The following MEP1A variants were observed in gnomAD, a reference collection of about 807,000 sequenced individuals.
MEP1A encodes the protein meprin A subunit alpha.
MEP1A carries 68 observed loss-of-function variants against 84.5 expected under a neutral mutation model. The ratio of observed to expected loss-of-function variants is 0.80; its 90% CI spans 0.66 to 0.98. MEP1A has a LOEUF of 0.98. Ranked by LOEUF, MEP1A falls within the 50% of genes least tolerant of loss-of-function variation. The pLI is 0.00. For synonymous variants in MEP1A, 337 were observed against 336.8 expected (o/e 1.00, Z -0.01); for missense variants, 887 against 919.9 (o/e 0.96, Z 0.46).
chr6:46,820,917 G>A (rs1230775511), intron 7 of MEP1A, among the ~76,000 whole-genome samples: 4 of 152,074 alleles, frequency 2.6e-5, no homozygotes, highest in East Asian at 3.9e-4. Context: ...AACTGTTTCC[G>A]GCATGGCTTT....
chr6:46,795,171 A>G (rs544114738), intron 3 of MEP1A, among the ~76,000 whole-genome samples: 32 of 152,086 alleles, frequency 2.1e-4, no homozygotes, highest in Non-Finnish European at 4.0e-4. Context: ...AGTAAATGTG[A>G]CTCACTCCTT....
chr6:46,798,503 A>G, intron 3 of MEP1A, 103 bp from the exon 4 acceptor site: 1 of 990,312 alleles, frequency 1.0e-6, no homozygotes, highest in South Asian at 1.3e-5. Context: ...ATAAAGATTA[A>G]TATTCAAAGA....
chr6:46,820,355 C>A (rs541631721), intron 7 of MEP1A, among the ~76,000 whole-genome samples: 3 of 152,034 alleles, frequency 2.0e-5, no homozygotes, highest in Non-Finnish European at 4.4e-5. Flanking sequence ...CGTATTATTC[C>A]GTTGTATTAT....
intron 9 of MEP1A, 50 bp from the exon 10 acceptor site, chr6:46,829,306 C>A (rs1768020193): frequency 6.6e-6 from 10 of 1,516,124 alleles, no homozygotes; most frequent in Non-Finnish European, 9.1e-6. Flanking sequence ...TGGACAGAAC[C>A]CTGGGGTGTG....
intron 4 of MEP1A, among the ~76,000 whole-genome samples, 172 bp downstream of exon 4, chr6:46,798,818 G>C (rs1417683641): frequency 1.3e-5 from 2 of 152,314 alleles, no homozygotes; most frequent in Non-Finnish European, 2.9e-5. Flanking sequence ...GACAAAAACA[G>C]AGGGAAAATA....
rs780445197 is a variant in MEP1A, at chr6:46,809,455, G to T, written c.298G>T (p.Glu100Ter). The change falls in exon 6 of 14, where the codon GAG (glutamate) becomes TAG (stop). Residue 100 changes from glutamate (E) to a stop codon, truncating the protein, a stop_gained. Coordinates refer to ENST00000230588, the MANE Select transcript of MEP1A (RefSeq NM_005588.3). LOFTEE classifies it high-confidence loss of function. ...NAKGAILYAF[E>*]MFRLKSCVDF... ...TAAAGGAGCCATTCTGTATGCCTTTGAGATGTTCCGTCTCAAGTCCTGTGT... is the reference window on the plus strand; with the variant it reads ...TAAAGGAGCCATTCTGTATGCCTTTTAGATGTTCCGTCTCAAGTCCTGTGT... 2.2e-5 allele frequency: 35 copies of T among 1,609,824 alleles called. No homozygotes were observed. Among genetic ancestry groups the T allele is most frequent in the Non-Finnish European group, 3.0e-5 (35 of 1,177,576 alleles).
intron 6 of MEP1A, 26 bp downstream of exon 6, chr6:46,809,563 A>T (rs1767443243): frequency 6.9e-7 from 1 of 1,442,484 alleles, no homozygotes; most frequent in Non-Finnish European, 9.7e-7. Flanking sequence ...TACGGAGTGA[A>T]AATCATGCAT....
chr6:46,808,266 C>T (rs1767411110), intron 5 of MEP1A, among the ~76,000 whole-genome samples: 2 of 152,044 alleles, frequency 1.3e-5, no homozygotes, highest in South Asian at 4.1e-4. Context: ...GTAATGAATG[C>T]TCTTGTTATT....
chr6:46,807,552 GAAAGAAAGAAAGA>G (rs1767361526), intron 5 of MEP1A, among the ~76,000 whole-genome samples: 1 of 57,728 alleles, frequency 1.7e-5, no homozygotes, highest in African/African-American at 9.8e-5. Flanking sequence ...AAGAAAGAAA[GAAAGAAAGAAAGA>G]AAGGAAGGAA....
At chr6:46,842,936 C>G (rs1768359247), downstream of MEP1A, among the ~76,000 whole-genome samples, 1 of 152,164 alleles carries the variant, frequency 6.6e-6, no homozygotes, top group African/African-American at 2.4e-5. Context: ...CCTGATAAAC[C>G]ATCAAGCCCA....
chr6:46,803,473 CT>C (rs917641152), intron 5 of MEP1A, among the ~76,000 whole-genome samples: 1 of 151,356 alleles, frequency 6.6e-6, no homozygotes, highest in Admixed American at 6.6e-5. Flanking sequence ...TGTTTTCCCT[CT>C]TTTTTTCTTG....
intron 5 of MEP1A, among the ~76,000 whole-genome samples, chr6:46,800,703 A>T (rs187905488): frequency 6.6e-6 from 1 of 152,310 alleles, no homozygotes; most frequent in Admixed American, 6.5e-5. Flanking sequence ...AAATTTACAT[A>T]GAGTGAAATA....
rs763889686 is a variant in MEP1A at position 46,825,470 on chromosome 6, G to A, written c.755G>A (p.Arg252Lys). 2.5e-6 allele frequency: 4 copies of A among 1,612,678 alleles called. No individual in the cohort carries two copies. In the South Asian group the frequency reaches 4.4e-5, roughly 18 times the overall value. ...GATTTCAGTGCCATTGATTTAGAGA[G>A]GCTGAACCGAATGTACAATTGCAGT... ...RLDFSAIDLE[R>K]LNRMYNCTTT... The change falls in exon 8 of 14, where the codon AGG (arginine) becomes AAG (lysine). Residue 252 changes from arginine (R) to lysine (K), a missense_variant. Transcript: ENST00000230588.
In MEP1A at chr6:46,793,449, C is replaced by G; in HGVS notation, c.51C>G (p.Ala17=). 6.2e-7 allele frequency: 1 copy of G among 1,606,014 alleles called. No homozygotes were observed. The highest frequency in any genetic ancestry group is 8.5e-7 in the Non-Finnish European group (1 of 1,177,694). ...TTCTCTTTTTTACCTTGCTTTTTGCCCACATAGCAGCTGTACCGGTAAGTC... is the reference window on the plus strand; with the variant it reads ...TTCTCTTTTTTACCTTGCTTTTTGCGCACATAGCAGCTGTACCGGTAAGTC... ...TCILFFTLLF[A]HIAAVPIKYL... The change falls in exon 1 of 14, where the codon GCC becomes GCG. Residue 17 remains alanine, a synonymous_variant. Transcript: ENST00000230588.
At chr6:46,795,092 C>T (rs1767021650) in intron 3 of MEP1A, among the ~76,000 whole-genome samples, 3 of 152,198 alleles carry the variant, frequency 2.0e-5, no homozygotes, top group South Asian at 4.2e-4. Flanking sequence ...TTCTTTTTGC[C>T]TCACAAGGCT....
intron 5 of MEP1A, among the ~76,000 whole-genome samples, chr6:46,807,315 T>C (rs114953380): frequency 0.014 from 2,059 of 151,582 alleles, 47 homozygotes; most frequent in African/African-American, 0.047. Flanking sequence ...GGAACAAGAG[T>C]TACAATGAGA....
At chr6:46,798,766 C>A in intron 4 of MEP1A, 120 bp downstream of exon 4, 2 of 838,500 alleles carry the variant, frequency 2.4e-6, no homozygotes, top group Non-Finnish European at 4.0e-6. Flanking sequence ...GAAATCTCAT[C>A]TATAATCTGT....
chr6:46,795,894 C>T (rs1034786168), intron 3 of MEP1A, among the ~76,000 whole-genome samples: 3 of 152,178 alleles, frequency 2.0e-5, no homozygotes, highest in African/African-American at 4.8e-5. Context: ...TGATCTGTGT[C>T]ACTCAAGAGC....
chr6:46,841,971 A>G (rs1456328774), downstream of MEP1A, among the ~76,000 whole-genome samples: 5 of 152,246 alleles, frequency 3.3e-5, no homozygotes, highest in African/African-American at 9.6e-5. Context: ...ATGGACATTT[A>G]TCAGTTCCCA....
Sources: gnomAD v4.1 joint callset for allele counts (sites outside exome capture counted in the v4.1 genomes callset) on GRCh38, gnomAD v4.1.1 for gene constraint, MANE v1.5 for transcripts, NCBI Gene and HGNC (gene_info 2026-07-23, HGNC 2026-07-21) for gene names.